ANK2: variants seen among roughly 807,000 people sequenced by gnomAD.
ANK2 encodes ankyrin 2.
A neutral mutation model predicts 360.5 loss-of-function variants in ANK2; 83 were observed. That is an observed-to-expected ratio of 0.23 (90% CI 0.19 to 0.28). The LOEUF (loss-of-function observed/expected upper bound fraction) is 0.28. Among genes scored for constraint, ANK2 ranks in the 10% least tolerant of loss-of-function variants. The pLI, the probability that ANK2 is intolerant of heterozygous loss-of-function variation, is 1.00. For missense variants in ANK2, 4,201 were observed against 4,795.7 expected (o/e 0.88, Z 3.66); for synonymous variants, 1,740 against 1,759.5 (o/e 0.99, Z 0.28).
chr4:113,324,685 G>A (rs1255597971), intron 26 of ANK2, among the ~76,000 whole-genome samples: 1 of 152,104 alleles, frequency 6.6e-6, no homozygotes, highest in Non-Finnish European at 1.5e-5. Context: ...GGAATTAAGG[G>A]AATTACAGAG....
chr4:113,335,642 T>C (rs907681629), intron 29 of ANK2, among the ~76,000 whole-genome samples: 2 of 152,218 alleles, frequency 1.3e-5, no homozygotes, highest in Non-Finnish European at 2.9e-5. Flanking sequence ...GCAAGCTAAA[T>C]GCTGACAGAT....
At chr4:112,726,264 C>T in the ANK2 span, among the ~76,000 whole-genome samples, 7 of 152,118 alleles carry the variant, frequency 4.6e-5, no homozygotes, top group Non-Finnish European at 1.0e-4. Flanking sequence ...ATGGACAGAT[C>T]ATGTTTCGAG....
the ANK2 span, among the ~76,000 whole-genome samples, chr4:112,769,070 G>A: frequency 6.6e-6 from 1 of 152,162 alleles, no homozygotes; most frequent in Non-Finnish European, 1.5e-5. Context: ...ACGTGACTGG[G>A]CTTTCACATG....
At position 113,294,092 on chromosome 4, in the gene ANK2, A is replaced by T. The variant is rs564916758; in HGVS notation, c.2475+554A>T. On this transcript the variant is annotated intron_variant, in intron 22 of 45. Transcript: ENST00000357077. ...GTAAATTGTTTCTGTGTTGTGAAAA[A>T]GTATATTTTAAAATTTCTTATTTTC... Among the ~76,000 whole-genome samples the T allele has an allele frequency of 9.8e-5, 15 of 152,332 alleles. 1 individual carries two copies. The highest frequency in any genetic ancestry group is 9.2e-4 in the Admixed American group (14 of 15,296).
Position 113,289,678 on chromosome 4 carries a change from C to T in ANK2, c.2277+1192C>T, listed in dbSNP as rs2066582046. Among the ~76,000 whole-genome samples, 3 of 152,126 alleles carry T rather than the reference C, an allele frequency of 2.0e-5. No individual in the cohort carries two copies. The South Asian group carries it at 6.2e-4, about 32-fold the overall frequency. ...AAGCAGAAACAAAATCATTTCTATA[C>T]ATAAGCATGTTTATAGCTAATTTAA... On this transcript the variant is annotated intron_variant, in intron 20 of 45. Coordinates refer to ENST00000357077, the MANE Select transcript of ANK2 (RefSeq NM_001148.6).
At chr4:112,927,637 A>T (rs180804113) in intron 2 of ANK2, among the ~76,000 whole-genome samples, 1 of 152,332 alleles carries the variant, frequency 6.6e-6, no homozygotes, top group Non-Finnish European at 1.5e-5. Context: ...CTATTGTTTC[A>T]GATTTGTCAA....
intron 1 of ANK2, among the ~76,000 whole-genome samples, chr4:113,108,208 G>A (rs1483096676): frequency 6.6e-6 from 1 of 152,128 alleles, no homozygotes; most frequent in Non-Finnish European, 1.5e-5. Flanking sequence ...AAGGCAGTCA[G>A]TAATTAAAGA....
At chr4:113,340,227 C>T (rs1258888756) in intron 32 of ANK2, among the ~76,000 whole-genome samples, 4 of 151,988 alleles carry the variant, frequency 2.6e-5, no homozygotes, top group African/African-American at 9.7e-5. Flanking sequence ...GAAGGGTGTT[C>T]GAATTGGGAT....
intron 1 of ANK2, among the ~76,000 whole-genome samples, chr4:113,142,717 C>T (rs865788557): frequency 6.6e-6 from 1 of 151,628 alleles, no homozygotes; most frequent in Admixed American, 6.6e-5. Flanking sequence ...GATGATTTCC[C>T]CGAGATGAAG....
the ANK2 span, among the ~76,000 whole-genome samples, chr4:112,734,575 T>C: frequency 6.6e-5 from 10 of 152,168 alleles, no homozygotes; most frequent in Non-Finnish European, 1.5e-4. Flanking sequence ...AATCCCCATG[T>C]TGGTGAGATA....
intron 2 of ANK2, among the ~76,000 whole-genome samples, chr4:113,026,028 T>C (rs576509127): frequency 2.0e-5 from 3 of 152,326 alleles, no homozygotes; most frequent in African/African-American, 7.2e-5. Flanking sequence ...GCTTGCTTTC[T>C]TGGTCATTTT....
At chr4:113,156,377 T>TTTTTG (rs2097296225) in intron 1 of ANK2, among the ~76,000 whole-genome samples, 1 of 146,216 alleles carries the variant, frequency 6.8e-6, no homozygotes, top group Non-Finnish European at 1.5e-5. Context: ...AATTCTTTTT[T>TTTTTG]TTTTGTTTTT....
intron 1 of ANK2, among the ~76,000 whole-genome samples, chr4:113,091,387 G>T (rs976836850): frequency 6.6e-6 from 1 of 152,126 alleles, no homozygotes; most frequent in African/African-American, 2.4e-5. Context: ...ATCAAATTTT[G>T]GATTGGCACA....
chr4:113,253,308 C>G (rs1252572729), intron 10 of ANK2, among the ~76,000 whole-genome samples: 1 of 152,188 alleles, frequency 6.6e-6, no homozygotes, highest in Non-Finnish European at 1.5e-5. Context: ...TTAGAACCTC[C>G]AGAGCTCAGT....
intron 2 of ANK2, among the ~76,000 whole-genome samples, chr4:112,939,395 C>T (rs917400698): frequency 6.6e-5 from 10 of 151,558 alleles, no homozygotes; most frequent in Non-Finnish European, 1.3e-4. Flanking sequence ...CTGCAGCCTC[C>T]GCCTCCCTTG....
At chr4:113,210,971 A>G (rs1469551226) in intron 4 of ANK2, among the ~76,000 whole-genome samples, 2 of 152,214 alleles carry the variant, frequency 1.3e-5, no homozygotes, top group East Asian at 1.9e-4. Flanking sequence ...TTTGCATTCA[A>G]ATAAAGAATA....
chr4:113,372,221 G>C (rs898545387), intron 43 of ANK2, among the ~76,000 whole-genome samples: 1 of 151,982 alleles, frequency 6.6e-6, no homozygotes, highest in Non-Finnish European at 1.5e-5. Context: ...TTTTTTTTAG[G>C]AGTTTAAGTA....
the ANK2 span, chr4:112,738,689 C>T: frequency 1.7e-5 from 10 of 593,300 alleles, no homozygotes; most frequent in African/African-American, 5.6e-5. Context: ...CCCTCAGACC[C>T]GTTGTGAAGC....
intron 4 of ANK2, among the ~76,000 whole-genome samples, chr4:113,229,769 A>AGGGCAGGGTCCTTTCTC (rs1267054607): frequency 2.0e-5 from 3 of 152,192 alleles, no homozygotes; most frequent in Admixed American, 6.5e-5. Context: ...CTCAGGACCC[A>AGGGCAGGGTCCTTTCTC]GGGCAGGGTC....
Sources: gnomAD v4.1 joint callset for allele counts (sites outside exome capture counted in the v4.1 genomes callset) on GRCh38, gnomAD v4.1.1 for gene constraint, MANE v1.5 for transcripts, NCBI Gene and HGNC (gene_info 2026-07-23, HGNC 2026-07-21) for gene names.